NBAS: variants seen among roughly 807,000 people sequenced by gnomAD.
The protein encoded by NBAS is NBAS subunit of NRZ tethering complex.
Under a neutral mutation model 302.5 loss-of-function variants are expected in NBAS, and 219 were observed. The observed-to-expected ratio is 0.72, with a 90% confidence interval of 0.65 to 0.81. NBAS has a LOEUF of 0.81. NBAS is among the 30% of genes least tolerant of loss of function. The pLI is 0.00. For missense variants in NBAS, 2,932 were observed against 2,841.6 expected, an observed-to-expected ratio of 1.03 and a Z score of -0.72; for synonymous variants, 1,118 against 1,021.6, an observed-to-expected ratio of 1.09 and a Z score of -1.80.
chr2:14,828,457 A>G, the NBAS span, among the ~76,000 whole-genome samples: 66,324 of 151,988 alleles, frequency 0.44, 15,773 homozygotes, highest in African/African-American at 0.64. Context: ...AAAGGAGGAG[A>G]GGTTAGGCAG....
downstream of NBAS, among the ~76,000 whole-genome samples, chr2:15,162,498 A>C (rs1425668454): frequency 2.0e-5 from 3 of 152,198 alleles, no homozygotes; most frequent in African/African-American, 2.4e-5. Context: ...CACCAGCATC[A>C]AAGTCAGAGT....
At chr2:15,034,062 A>G in the NBAS span, among the ~76,000 whole-genome samples, 73 of 91,264 alleles carry the variant, frequency 8.0e-4, no homozygotes, top group African/African-American at 3.4e-3. Context: ...GAGGAGGAGG[A>G]GGGGAAGGAG....
chr2:15,290,024 G>A (rs1670231235), intron 41 of NBAS, among the ~76,000 whole-genome samples: 1 of 149,704 alleles, frequency 6.7e-6, no homozygotes, highest in African/African-American at 2.5e-5. Flanking sequence ...AAGAAGAGAG[G>A]AGAAGAGAGG....
intron 38 of NBAS, among the ~76,000 whole-genome samples, chr2:15,319,495 C>A (rs766340246): frequency 2.6e-5 from 4 of 151,608 alleles, no homozygotes; most frequent in East Asian, 1.9e-4. Context: ...ATTGATAAAC[C>A]ACTAGCAAGA....
At chr2:15,257,125 T>C (rs971227945) in intron 44 of NBAS, among the ~76,000 whole-genome samples, 12 of 152,342 alleles carry the variant, frequency 7.9e-5, no homozygotes, top group African/African-American at 2.9e-4. Context: ...GTAAGATTTG[T>C]ACTAATTATT....
the NBAS span, among the ~76,000 whole-genome samples, chr2:14,947,510 G>C: frequency 6.6e-6 from 1 of 152,002 alleles, no homozygotes; most frequent in East Asian, 1.9e-4. Flanking sequence ...AACAAGTAAA[G>C]AGATCAGTTG....
At chr2:15,417,481 G>T in intron 24 of NBAS, 46 bp downstream of exon 24, 1 of 1,523,148 alleles carries the variant, frequency 6.6e-7, no homozygotes. Context: ...AAAGTGCATA[G>T]AAAATGCTTT....
the NBAS span, among the ~76,000 whole-genome samples, chr2:14,910,596 C>T: frequency 6.6e-6 from 1 of 152,220 alleles, no homozygotes; most frequent in Admixed American, 6.5e-5. Flanking sequence ...GGCCATGCCA[C>T]AGAACGCCTG....
intron 47 of NBAS, among the ~76,000 whole-genome samples, chr2:15,224,089 A>T (rs1667063057): frequency 6.6e-6 from 1 of 152,232 alleles, no homozygotes. Context: ...GAACAGCAGC[A>T]GCAACCATGA....
At chr2:15,448,712 T>A (rs868469705) in intron 21 of NBAS, among the ~76,000 whole-genome samples, 3 of 152,214 alleles carry the variant, frequency 2.0e-5, no homozygotes, top group Admixed American at 6.5e-5. Flanking sequence ...CTTAAAATAA[T>A]CCATGTCTTG....
chr2:14,900,562 T>C, the NBAS span, among the ~76,000 whole-genome samples: 7 of 152,328 alleles, frequency 4.6e-5, no homozygotes, highest in South Asian at 1.0e-3. Context: ...TCCGCACCTA[T>C]AAAGAATTCC....
chr2:14,814,218 TC>T, the NBAS span, among the ~76,000 whole-genome samples: 127 of 152,012 alleles, frequency 8.4e-4, 2 homozygotes, highest in African/African-American at 3.0e-3. Flanking sequence ...GCACATAGAG[TC>T]CCCACTGGGG....
At chr2:15,090,570 C>T in the NBAS span, among the ~76,000 whole-genome samples, 3,957 of 152,280 alleles carry the variant, frequency 0.026, 194 homozygotes, top group African/African-American at 0.09. Context: ...TCTGAAATTA[C>T]ACTCCAAATA....
intron 19 of NBAS, among the ~76,000 whole-genome samples, chr2:15,463,867 T>C (rs1290117811): frequency 1.3e-5 from 2 of 152,008 alleles, no homozygotes; most frequent in Non-Finnish European, 2.9e-5. Flanking sequence ...TTAATTTTGT[T>C]AGAAATAATC....
chr2:15,460,799 AG>A (rs1679472204), intron 21 of NBAS, among the ~76,000 whole-genome samples: 1 of 152,222 alleles, frequency 6.6e-6, no homozygotes, highest in Non-Finnish European at 1.5e-5. Flanking sequence ...CTATGAAGAA[AG>A]GGTTGCTGAG....
intron 40 of NBAS, 93 bp from the exon 41 acceptor site, chr2:15,292,859 A>G: frequency 7.9e-7 from 1 of 1,264,686 alleles, no homozygotes; most frequent in Non-Finnish European, 1.1e-6. Context: ...TCTGCAAGGA[A>G]CTGTTTGGCC....
chr2:15,157,259 C>T, the NBAS span, among the ~76,000 whole-genome samples: 1 of 152,164 alleles, frequency 6.6e-6, no homozygotes, highest in Non-Finnish European at 1.5e-5. Context: ...AGATGGATTC[C>T]AAGCCCAAGA....
chr2:14,902,354 A>T, the NBAS span, among the ~76,000 whole-genome samples: 1 of 152,008 alleles, frequency 6.6e-6, no homozygotes, highest in Non-Finnish European at 1.5e-5. Flanking sequence ...CTGTTCTCCA[A>T]CTCCTGGCCT....
chr2:15,263,092 G>A (rs376790174), intron 44 of NBAS, among the ~76,000 whole-genome samples: 6 of 152,242 alleles, frequency 3.9e-5, no homozygotes, highest in East Asian at 1.9e-4. Context: ...TGAAATTTCC[G>A]TGGCCCTCCA....
Sources: allele counts gnomAD v4.1 joint callset (sites outside exome capture counted in the v4.1 genomes callset), GRCh38; gene constraint gnomAD v4.1.1; transcripts MANE v1.5; gene names NCBI Gene and HGNC (gene_info 2026-07-23, HGNC 2026-07-21).